ZNF628: variants seen among roughly 807,000 people sequenced by gnomAD.
The protein encoded by ZNF628 is zinc finger protein Zec.
Under a neutral mutation model 2.5 loss-of-function variants are expected in ZNF628, and 3 were observed. That is an observed-to-expected ratio of 1.19 (90% CI 0.54 to 3.07). The LOEUF (loss-of-function observed/expected upper bound fraction) is 3.07. Ranked by LOEUF, ZNF628 falls within the 30% of genes most tolerant of loss-of-function variation. The pLI, the probability that ZNF628 is intolerant of heterozygous loss-of-function variation, is 0.03. For synonymous variants in ZNF628, 861 were observed against 717.1 expected (o/e 1.20, Z -3.21); for missense variants, 1,610 against 1,517.1 (o/e 1.06, Z -1.02).
At chr19:55,480,247 T>TC (rs1195829202) in intron 2 of ZNF628, among the ~76,000 whole-genome samples, 7 of 76,456 alleles carry the variant, frequency 9.2e-5, no homozygotes, top group Non-Finnish European at 1.9e-4. Context: ...ACTTTTTTTT[T>TC]CCTTTTTTTT....
rs1448001654 is a variant in ZNF628 at position 55,479,185 on chromosome 19, G to A, written c.-77-649G>A. 6.6e-6 allele frequency among the ~76,000 whole-genome samples: 1 copy of A among 152,148 alleles called. No individual in the cohort carries two copies. The highest frequency in any genetic ancestry group is 2.4e-5 in the African/African-American group (1 of 41,420). ...AGCTGGGGACTGAGATGGGGTGACA[G>A]GTGACGGAGGGCAGTGAGGGAGCGA... On this transcript the variant is annotated intron_variant, in intron 1 of 2. Transcript: ENST00000598519. This position sits in a 1 kb window ranked among gnomAD's most constrained non-coding sequence, Gnocchi z 5.1.
rs1986699997 is a variant in ZNF628, at chr19:55,481,530, G to A, written c.337G>A (p.Val113Met). The A allele has an allele frequency of 1.2e-6, 2 of 1,612,836 alleles. No homozygotes were observed. Among genetic ancestry groups the A allele is most frequent in the Non-Finnish European group, 1.7e-6 (2 of 1,179,616 alleles). ...CTCTCTGCTGCAGATCCACCGTAGC[G>A]TGCACACCGGCCTGCGGGCCTTCAT... The part of the protein sequence containing the change: ...RSSLLQIHRS[V>M]HTGLRAFICG... The change falls in exon 3 of 3, where the codon GTG becomes ATG. Residue 113 changes from valine to methionine, a missense_variant. By Grantham distance (21) the Val-to-Met change is conservative. This residue lies in a region of ZNF628 where 166 missense variants were observed against 241.3 expected (regional missense o/e 0.69). Coordinates refer to ENST00000598519, the MANE Select transcript of ZNF628 (RefSeq NM_033113.3).
chr19:55,479,705 A>G lies in ZNF628; in HGVS notation c.-77-129A>G, dbSNP rs999888311. 1 of 383,218 alleles carries G rather than the reference A, an allele frequency of 2.6e-6. No homozygotes were observed. Among genetic ancestry groups the G allele is most frequent in the Admixed American group, 4.5e-5 (1 of 22,146 alleles). The allele number at this position is 383,218 out of a possible 1,614,324, so 23.7% of individuals were successfully genotyped here. A position where few individuals can be genotyped will look rare whatever the true frequency, so the allele number is the denominator to read the frequency against. ...GCACTTGCCTCTCTAGTTAACAGAT[A>G]ACCCCAAATGCCTCCAGGCATTGCG... On this transcript the variant is annotated intron_variant, in intron 1 of 2. Transcript: ENST00000598519. This position sits in a 1 kb window ranked among gnomAD's most constrained non-coding sequence, Gnocchi z 5.1.
Position 55,483,144 on chromosome 19 carries a change from C to G in ZNF628, c.1951C>G (p.Pro651Ala), listed in dbSNP as rs750876337. ...LRTHAPANTP[P>A]STTAPAAGPQ... ...GACGCACGCCCCGGCCAACACGCCT[C>G]CCAGCACCACAGCCCCTGCCGCCGG... Residue 651 changes from proline (P) to alanine (A), a missense_variant, in exon 3 of 3, where the codon CCC becomes GCC. By Grantham distance (27) the Pro-to-Ala change is conservative. This residue lies in a region of ZNF628 where 712 missense variants were observed against 603.6 expected (regional missense o/e 1.18). Transcript: ENST00000598519. 6.3e-6 allele frequency: 10 copies of G among 1,578,496 alleles called. No individual in the cohort carries two copies. The highest frequency in any genetic ancestry group is 7.7e-6 in the Non-Finnish European group (9 of 1,168,968).
chr19:55,477,098 T>C (rs1986570457), intron 1 of ZNF628, among the ~76,000 whole-genome samples: 1 of 152,218 alleles, frequency 6.6e-6, no homozygotes, highest in Non-Finnish European at 1.5e-5. Context: ...TTCCCAGACA[T>C]TGAAGCAAAA....
chr19:55,483,771 C>G lies in ZNF628; in HGVS notation c.2578C>G (p.Gln860Glu), dbSNP rs750219385. ...AACCACGGTCCAGCTCCAGCCAGCACAGGAGGTGACCACGGTCCAGCTCCA... is the reference window on the plus strand; with the variant it reads ...AACCACGGTCCAGCTCCAGCCAGCAGAGGAGGTGACCACGGTCCAGCTCCA... Reference protein sequence around the residue: ...EVTTVQLQPAQEVTTVQLQPV... With the variant: ...EVTTVQLQPAEEVTTVQLQPV... Residue 860 changes from glutamine to glutamate, a missense_variant, in exon 3 of 3, where the codon CAG (glutamine) becomes GAG (glutamate). By Grantham distance (29) the Gln-to-Glu change is conservative. This residue lies in a region of ZNF628 where 712 missense variants were observed against 603.6 expected (regional missense o/e 1.18). Coordinates refer to ENST00000598519, the MANE Select transcript of ZNF628 (RefSeq NM_033113.3). 8 of 1,613,596 alleles carry G rather than the reference C, an allele frequency of 5.0e-6. No individual in the cohort carries two copies. Among genetic ancestry groups the G allele is most frequent in the Non-Finnish European group, 4.2e-6 (5 of 1,179,664 alleles).
At position 55,479,268 on chromosome 19, in the gene ZNF628, C is replaced by G. The variant is rs1466467972; in HGVS notation, c.-77-566C>G. 1.3e-5 allele frequency among the ~76,000 whole-genome samples: 2 copies of G among 152,134 alleles called. No individual in the cohort carries two copies. Among genetic ancestry groups the G allele is most frequent in the Non-Finnish European group, 2.9e-5 (2 of 68,016 alleles). ...GGACCCAGTGACAAGTGGGCCATTG[C>G]GGGCCACGCGCCGCCCAGGCCATGG... On this transcript the variant is annotated intron_variant, in intron 1 of 2. Coordinates refer to ENST00000598519, the MANE Select transcript of ZNF628 (RefSeq NM_033113.3). The surrounding 1 kb of genome is among the most constrained non-coding windows in gnomAD (Gnocchi z 5.1).
rs765237123 is a variant in ZNF628, at chr19:55,481,872, G to A, written c.679G>A (p.Gly227Ser). ...CCTGCTGCTGCACCAGCGCACGCACGGCGCCGCCCCCGCCCCGGGTACCGC... is the reference window on the plus strand; with the variant it reads ...CCTGCTGCTGCACCAGCGCACGCACAGCGCCGCCCCCGCCCCGGGTACCGC... The part of the protein sequence containing the change: ...SNLLLHQRTH[G>S]AAPAPGTASA... The change falls in exon 3 of 3, where the codon GGC becomes AGC. Residue 227 changes from glycine to serine, a missense_variant. Physicochemically the swap from Gly to Ser is moderately conservative, Grantham distance 56 (BLOSUM62 0). Transcript: ENST00000598519. 1.9e-6 allele frequency: 3 copies of A among 1,553,560 alleles called. No homozygotes were observed. The highest frequency in any genetic ancestry group is 4.8e-5 in the East Asian group (2 of 41,698).
Position 55,482,009 on chromosome 19 carries a change from GC to G in ZNF628, c.821del (p.Pro274ArgfsTer153). The G allele has an allele frequency of 2.5e-6, 3 of 1,223,090 alleles. No individual in the cohort carries two copies. The highest frequency in any genetic ancestry group is 7.2e-5 in the East Asian group (1 of 13,984). 75.8% of individuals were successfully genotyped at this position (1,223,090 alleles called of 1,614,324 possible). On this transcript the variant is annotated frameshift_variant, in exon 3 of 3. Coordinates refer to ENST00000598519, the MANE Select transcript of ZNF628 (RefSeq NM_033113.3). LOFTEE classifies it low-confidence loss of function (END_TRUNC). Reference protein sequence around the residue: ...HSPPAPPAPPPPPPPVVPELF... With the variant: ...HSPPAPPAPPXPPPPVVPELF... ...GCCCGCCCGCGCCTCCCGCCCCGCCGCCCCCGCCCCCGCCCGTGGTGCCTGA... is the reference window on the plus strand; with the variant it reads ...GCCCGCCCGCGCCTCCCGCCCCGCCGCCCCGCCCCCGCCCGTGGTGCCTGA...
Position 55,483,496 on chromosome 19 carries a change from G to A in ZNF628, c.2303G>A (p.Gly768Asp), listed in dbSNP as rs753366629. Residue 768 changes from glycine to aspartate, a missense_variant, in exon 3 of 3, where the codon GGC becomes GAC. Physicochemically the swap from Gly to Asp is moderately conservative, Grantham distance 94. Coordinates refer to ENST00000598519, the MANE Select transcript of ZNF628 (RefSeq NM_033113.3). ...RQGPRAVGKAGQGAGVVWLPG... is the reference protein window; with the variant it reads ...RQGPRAVGKADQGAGVVWLPG... ...GGCCCGCGGGCAGTGGGGAAAGCGG[G>A]CCAGGGGGCGGGAGTGGTCTGGCTG... The A allele has an allele frequency of 1.6e-5, 24 of 1,541,756 alleles. No homozygotes were observed. Among genetic ancestry groups the A allele is most frequent in the Admixed American group, 7.8e-5 (4 of 51,442 alleles).
In ZNF628 at chr19:55,483,364, T is replaced by C; in HGVS notation, c.2171T>C (p.Ile724Thr). The C allele has an allele frequency of 6.5e-7, 1 of 1,542,088 alleles. No individual in the cohort carries two copies. Among genetic ancestry groups the C allele is most frequent in the African/African-American group, 1.4e-5 (1 of 73,120 alleles). Residue 724 changes from isoleucine (I) to threonine (T), a missense_variant, in exon 3 of 3, where the codon ATC (isoleucine) becomes ACC (threonine). Transcript: ENST00000598519. The part of the protein sequence containing the change: ...LVQTAQGLQL[I>T]PSSVQPPTPP... ...CAAACTGCCCAGGGCCTCCAGCTGA[T>C]CCCCAGCAGCGTGCAGCCCCCTACA...
At chr19:55,477,689 G>T (rs1986592198) in intron 1 of ZNF628, among the ~76,000 whole-genome samples, 1 of 151,928 alleles carries the variant, frequency 6.6e-6, no homozygotes, top group Non-Finnish European at 1.5e-5. Context: ...TTGAAGCCGG[G>T]AGGCGAAGGT....
Position 55,482,147 on chromosome 19 carries a change from GC to G in ZNF628, c.957del (p.Asp320MetfsTer107). 1 of 1,500,738 alleles carries G rather than the reference GC, an allele frequency of 6.7e-7. No individual in the cohort carries two copies. Among genetic ancestry groups the G allele is most frequent in the Non-Finnish European group, 8.9e-7 (1 of 1,128,950 alleles). 93.0% of individuals were successfully genotyped at this position (1,500,738 alleles called of 1,614,324 possible). On this transcript the variant is annotated frameshift_variant, in exon 3 of 3. Transcript: ENST00000598519. LOFTEE classifies it low-confidence loss of function (END_TRUNC). The stretch of plus-strand genomic sequence containing the variant: ...TCCTGGAGCACCAGCCGTGCCCCGG[GC>G]CCGATGCGGCGCCCCAGCCCCAGGA... ...LLLEHQPCPG[P>X]DAAPQPQEAP...
Position 55,481,341 on chromosome 19 carries a change from C to T in ZNF628, c.148C>T (p.Arg50Trp), listed in dbSNP as rs1330216511. ...ECGKSFRWSS[R>W]LLHHQRTHTG... ...TGGCAAGTCATTCCGGTGGTCGTCC[C>T]GGCTCCTGCACCACCAGCGCACGCA... Residue 50 changes from arginine (R) to tryptophan (W), a missense_variant, in exon 3 of 3, where the codon CGG (arginine) becomes TGG (tryptophan). Physicochemically the swap from Arg to Trp is moderately radical, Grantham distance 101. Around this residue, in one of 5 missense-constraint regions of ZNF628, gnomAD observed 166 missense variants for 241.3 expected, o/e 0.69. Transcript: ENST00000598519. 1.2e-6 allele frequency: 2 copies of T among 1,612,150 alleles called. No homozygotes were observed. The highest frequency in any genetic ancestry group is 1.7e-6 in the Non-Finnish European group (2 of 1,179,556).
chr19:55,477,898 G>T (rs1032399530), intron 1 of ZNF628, among the ~76,000 whole-genome samples: 11 of 152,244 alleles, frequency 7.2e-5, no homozygotes, highest in Non-Finnish European at 1.2e-4. Flanking sequence ...GCATACAACA[G>T]TGAACCAGAC....
At position 55,483,799 on chromosome 19, in the gene ZNF628, C is replaced by T. The variant is rs1186276592; in HGVS notation, c.2606C>T (p.Pro869Leu). Reference sequence around the variant, plus strand: ...GAGGTGACCACGGTCCAGCTCCAGCCCGTGGCCGGCCAGCTCTCCAATTCC... The same window carrying T: ...GAGGTGACCACGGTCCAGCTCCAGCTCGTGGCCGGCCAGCTCTCCAATTCC... ...AQEVTTVQLQ[P>L]VAGQLSNSSG... The change falls in exon 3 of 3, where the codon CCC (proline) becomes CTC (leucine). Residue 869 changes from proline (P) to leucine (L), a missense_variant. Physicochemically the swap from Pro to Leu is moderately conservative, Grantham distance 98. This residue lies in a region of ZNF628 where 712 missense variants were observed against 603.6 expected (regional missense o/e 1.18). Coordinates refer to ENST00000598519, the MANE Select transcript of ZNF628 (RefSeq NM_033113.3). The T allele has an allele frequency of 6.2e-7, 1 of 1,613,824 alleles. No individual in the cohort carries two copies.
chr19:55,484,440 AG>A lies in ZNF628; in HGVS notation c.*70del. The A allele has an allele frequency of 7.5e-7, 1 of 1,332,790 alleles. No homozygotes were observed. The highest frequency in any genetic ancestry group is 2.7e-5 in the East Asian group (1 of 37,258). 82.6% of individuals were successfully genotyped at this position (1,332,790 alleles called of 1,614,324 possible). A position where few individuals can be genotyped will look rare whatever the true frequency, so the allele number is the denominator to read the frequency against. ...GACTCACTGCCAGCCGGGGCGGGGCAGGGTGCCGCAGGCTGGGCTTGCTAAT... is the reference window on the plus strand; with the variant it reads ...GACTCACTGCCAGCCGGGGCGGGGCAGGTGCCGCAGGCTGGGCTTGCTAAT... On this transcript the variant is annotated 3_prime_UTR_variant, in exon 3 of 3. Transcript: ENST00000598519.
Position 55,481,952 on chromosome 19 carries a change from C to T in ZNF628, c.759C>T (p.Asp253=). ...AGCCCGGCAAGGTCTTCGTGTGCGA[C>T]GCCTACCTGCAGCGGCACCTCCAGC... ...SREPGKVFVC[D]AYLQRHLQPH... is the part of the protein sequence containing the mutation. The change falls in exon 3 of 3, where the codon GAC becomes GAT. Residue 253 remains aspartate, a synonymous_variant. Coordinates refer to ENST00000598519, the MANE Select transcript of ZNF628 (RefSeq NM_033113.3). 3 of 1,469,812 alleles carry T rather than the reference C, an allele frequency of 2.0e-6. No individual in the cohort carries two copies. The highest frequency in any genetic ancestry group is 4.8e-5 in the Admixed American group (2 of 41,570). The allele number at this position is 1,469,812 out of a possible 1,614,324, so 91.0% of individuals were successfully genotyped here.
intron 1 of ZNF628, among the ~76,000 whole-genome samples, chr19:55,477,365 T>G (rs117644569): frequency 0.72 from 108,298 of 149,672 alleles, 39,813 homozygotes; most frequent in African/African-American, 0.79. Flanking sequence ...TTTTTTTTTT[T>G]TTTTTTTTTT....
Sources: allele counts gnomAD v4.1 joint callset (sites outside exome capture counted in the v4.1 genomes callset), GRCh38; gene constraint gnomAD v4.1.1; regional missense constraint gnomAD v4.1.1; non-coding constraint Gnocchi (gnomAD v3.1); transcripts MANE v1.5; gene names NCBI Gene and HGNC (gene_info 2026-07-23, HGNC 2026-07-21).